Variants in SEC23A observed in about 807,000 individuals in gnomAD.
SEC23A encodes the protein SEC23 homolog A, COPII component.
A neutral mutation model predicts 103.7 loss-of-function variants in SEC23A; 56 were observed. The observed-to-expected ratio is 0.54, with a 90% CI of 0.44 to 0.67. SEC23A has a LOEUF of 0.67. Among genes scored for constraint, SEC23A ranks in the 30% least tolerant of loss-of-function variants. The pLI is 0.00. For synonymous variants in SEC23A, 281 were observed against 293.0 expected (o/e 0.96, Z 0.42); for missense variants, 784 against 936.4 (o/e 0.84, Z 2.12).
In SEC23A at chr14:39,076,079, G is replaced by A. The variant is rs1232278069; in HGVS notation, c.843C>T (p.Asn281=). The A allele has an allele frequency of 2.5e-6, 4 of 1,611,762 alleles. No individual in the cohort carries two copies. In the South Asian group the frequency reaches 4.4e-5, roughly 18 times the overall value. ...AVGLLECTFP[N]TGARIMMFIG... ...TGAACATCATGATACGAGCACCAGTGTTGGGAAAAGTACACTATTAAAAAA... is the reference window on the plus strand; with the variant it reads ...TGAACATCATGATACGAGCACCAGTATTGGGAAAAGTACACTATTAAAAAA... Residue 281 remains asparagine, a synonymous_variant, in exon 8 of 20, where the codon AAC becomes AAT. Transcript: ENST00000307712.
At chr14:39,058,571 T>C (rs1387966013) in intron 13 of SEC23A, among the ~76,000 whole-genome samples, 6 of 152,288 alleles carry the variant, frequency 3.9e-5, no homozygotes, top group East Asian at 1.9e-4. Flanking sequence ...CCTCCCAAAG[T>C]GCTGGGATTA....
rs146886223 is a variant in SEC23A, at chr14:39,100,653, T to G, written c.-22+2379A>C. Among the ~76,000 whole-genome samples the G allele has an allele frequency of 7.3e-3, 1,105 of 152,050 alleles. 3 individuals carry two copies. The highest frequency in any genetic ancestry group is 0.013 in the Admixed American group (192 of 15,260). ...GTCTCGAACTCCCAACCTCAGGTGA[T>G]CCACCCACCTCAGCCTCCCAAAGTG... On this transcript the variant is annotated intron_variant, in intron 1 of 19. Coordinates refer to ENST00000307712, the MANE Select transcript of SEC23A (RefSeq NM_006364.4).
intron 19 of SEC23A, among the ~76,000 whole-genome samples, chr14:39,036,779 A>G (rs1885476943): frequency 6.6e-6 from 1 of 152,134 alleles, no homozygotes. Context: ...TGCCTATCCT[A>G]CTGCTTATCC....
rs1479169891 is a variant in SEC23A at position 39,096,137 on chromosome 14, T to C, written c.-19A>G. 1.3e-6 allele frequency: 2 copies of C among 1,558,170 alleles called. No individual in the cohort carries two copies. The highest frequency in any genetic ancestry group is 4.5e-5 in the East Asian group (2 of 44,634). ...TTGTCATTGTGGAGTTTGATTCTTA[T>C]TTCTGTATCAAAATTTTAAAATATT... On this transcript the variant is annotated splice_region_variant and 5_prime_UTR_variant, in exon 2 of 20. Coordinates refer to ENST00000307712, the MANE Select transcript of SEC23A (RefSeq NM_006364.4).
intron 8 of SEC23A, 95 bp from the exon 9 acceptor site, chr14:39,074,625 T>A: frequency 1.4e-6 from 1 of 703,006 alleles, no homozygotes; most frequent in Non-Finnish European, 2.5e-6. Flanking sequence ...ACTAAAAGAG[T>A]AACTCATAAT....
chr14:39,094,249 CAT>C lies in SEC23A; in HGVS notation c.222-1007_222-1006del, dbSNP rs201962644. On this transcript the variant is annotated intron_variant, in intron 2 of 19. Transcript: ENST00000307712. ...ACATATATATATATGCATATATACA[CAT>C]ATACATATATATGCATATATACACA... 8.8e-3 allele frequency among the ~76,000 whole-genome samples: 841 copies of C among 95,336 alleles called. 29 individuals are homozygous for C. The highest frequency in any genetic ancestry group is 0.032 in the African/African-American group (768 of 23,996). 62.5% of individuals were successfully genotyped at this position (95,336 alleles called of 152,430 possible). A position where few individuals can be genotyped will look rare whatever the true frequency, so the allele number is the denominator to read the frequency against.
intron 7 of SEC23A, among the ~76,000 whole-genome samples, chr14:39,085,250 C>T (rs961999535): frequency 7.2e-5 from 11 of 152,136 alleles, no homozygotes; most frequent in Non-Finnish European, 1.3e-4. Flanking sequence ...ATTTGGAACC[C>T]CTTCTCCCAC....
intron 11 of SEC23A, 193 bp downstream of exon 11, chr14:39,064,720 C>T (rs529205610): frequency 3.0e-5 from 18 of 592,458 alleles, no homozygotes; most frequent in African/African-American, 1.5e-4. Context: ...CTGTCCTGTG[C>T]GTTCGCTGTG....
intron 7 of SEC23A, among the ~76,000 whole-genome samples, chr14:39,076,508 T>A (rs1887028168): frequency 6.6e-6 from 1 of 150,894 alleles, no homozygotes; most frequent in South Asian, 2.1e-4. Flanking sequence ...GCTCAAGTGA[T>A]CCTCCCACTT....
At position 39,094,279 on chromosome 14, in the gene SEC23A, TACAC is replaced by T. The variant is rs1274297907; in HGVS notation, c.222-1039_222-1036del. On this transcript the variant is annotated intron_variant, in intron 2 of 19. Transcript: ENST00000307712. ...ACATATATATGCATATATACACATA[TACAC>T]ATATATATGCATATATACACATATA... is the stretch of plus-strand genomic sequence containing the variant. Among the ~76,000 whole-genome samples the T allele has an allele frequency of 1.6e-4, 5 of 30,558 alleles. No homozygotes were observed. The East Asian group carries it at 6.4e-3, about 39-fold the overall frequency. The allele number at this position is 30,558 out of a possible 152,430, so 20.0% of individuals were successfully genotyped here.
chr14:39,076,225 C>T (rs1887013853), intron 7 of SEC23A, 132 bp from the exon 8 acceptor site: 2 of 831,610 alleles, frequency 2.4e-6, no homozygotes, highest in African/African-American at 3.5e-5. Flanking sequence ...CAAATGTTTA[C>T]AATGAAATTT....
rs964409048 is a variant in SEC23A, at chr14:39,032,289, A to G, written c.*950T>C. On this transcript the variant is annotated 3_prime_UTR_variant, in exon 20 of 20. Transcript: ENST00000307712. The stretch of plus-strand genomic sequence containing the variant: ...TATAATTAAGCAAACATTATATAAT[A>G]CTGTTTCAATAAGAACCACAACTTA... The G allele has an allele frequency of 2.7e-4, 41 of 152,770 alleles. No homozygotes were observed. The highest frequency in any genetic ancestry group is 2.2e-3 in the Admixed American group (34 of 15,308). 9.5% of individuals were successfully genotyped at this position (152,770 alleles called of 1,614,324 possible). A position where few individuals can be genotyped will look rare whatever the true frequency, so the allele number is the denominator to read the frequency against.
chr14:39,074,410 C>G lies in SEC23A; in HGVS notation c.1103+5G>C. The G allele has an allele frequency of 1.3e-6, 2 of 1,551,390 alleles. No homozygotes were observed. Among genetic ancestry groups the G allele is most frequent in the Non-Finnish European group, 1.8e-6 (2 of 1,123,348 alleles). ...TACAAAAACTGTAAAAATTTAAATA[C>G]ATACCCAGTAAGGTTGGGACAGCAT... On this transcript the variant is annotated splice_donor_5th_base_variant and intron_variant, in intron 9 of 19. Transcript: ENST00000307712.
chr14:39,075,340 T>C (rs1017082408), intron 8 of SEC23A, among the ~76,000 whole-genome samples: 11 of 152,108 alleles, frequency 7.2e-5, no homozygotes, highest in Admixed American at 5.9e-4. Flanking sequence ...TTTAAACATA[T>C]AATACTGATG....
In SEC23A at chr14:39,075,987, G is replaced by A. The variant is rs1484342490; in HGVS notation, c.935C>T (p.Ser312Leu). 1 of 1,613,456 alleles carries A rather than the reference G, an allele frequency of 6.2e-7. No homozygotes were observed. The highest frequency in any genetic ancestry group is 8.5e-7 in the Non-Finnish European group (1 of 1,179,902). The stretch of plus-strand genomic sequence containing the variant: ...ATTGTCTTTGTCAATGTCATGCCAC[G>A]ATCTTATAGGTGTCTTCAACTCATC... Reference protein sequence around the residue: ...VGDELKTPIRSWHDIDKDNAK... With the variant: ...VGDELKTPIRLWHDIDKDNAK... Residue 312 changes from serine (S) to leucine (L), a missense_variant, in exon 8 of 20, where the codon TCG becomes TTG. Ser to Leu is a moderately radical substitution (Grantham distance 145, BLOSUM62 -2). Around this residue, in one of 2 missense-constraint regions of SEC23A, gnomAD observed 683 missense variants for 774.2 expected, o/e 0.88. Transcript: ENST00000307712.
intron 9 of SEC23A, among the ~76,000 whole-genome samples, chr14:39,072,242 A>C (rs1425988206): frequency 6.6e-6 from 1 of 152,176 alleles, no homozygotes; most frequent in African/African-American, 2.4e-5. Flanking sequence ...AAAAAAAAAA[A>C]AGTGAGGGAA....
intron 2 of SEC23A, among the ~76,000 whole-genome samples, chr14:39,095,367 G>A (rs1336161516): frequency 1.3e-5 from 2 of 151,628 alleles, no homozygotes; most frequent in African/African-American, 4.9e-5. Flanking sequence ...CACGATCTCA[G>A]CTCACTGCAA....
At chr14:39,099,367 C>G (rs1888005968) in intron 1 of SEC23A, among the ~76,000 whole-genome samples, 1 of 151,902 alleles carries the variant, frequency 6.6e-6, no homozygotes, top group Non-Finnish European at 1.5e-5. Context: ...ACCATGTTGG[C>G]CAGGATGATC....
intron 2 of SEC23A, chr14:39,094,975 T>C: frequency 1.4e-6 from 1 of 698,512 alleles, no homozygotes; most frequent in Non-Finnish European, 2.6e-6. Context: ...CATCATCTGA[T>C]TTTCATTCAT....
Sources: gnomAD v4.1 joint callset for allele counts (sites outside exome capture counted in the v4.1 genomes callset) on GRCh38, gnomAD v4.1.1 for gene constraint, gnomAD v4.1.1 regional missense constraint, MANE v1.5 for transcripts, NCBI Gene and HGNC (gene_info 2026-07-23, HGNC 2026-07-21) for gene names.